Variants in IL12RB2 observed in about 807,000 individuals in gnomAD.
The protein encoded by IL12RB2 is interleukin-12 receptor subunit beta-2.
A neutral mutation model predicts 89.4 loss-of-function variants in IL12RB2; 82 were observed. The ratio of observed to expected loss-of-function variants is 0.92; its 90% CI spans 0.77 to 1.10. The LOEUF (loss-of-function observed/expected upper bound fraction) is 1.10. IL12RB2 is among the 50% of genes least tolerant of loss of function. The pLI is 0.00. For missense variants in IL12RB2, 963 were observed against 1,031.9 expected (o/e 0.93, Z 0.92); for synonymous variants, 368 against 370.1 (o/e 0.99, Z 0.07).
chr1:67,350,910 A>C lies in IL12RB2; in HGVS notation c.1079A>C (p.Tyr360Ser). The C allele has an allele frequency of 1.2e-6, 2 of 1,614,118 alleles. No homozygotes were observed. The highest frequency in any genetic ancestry group is 1.7e-6 in the Non-Finnish European group (2 of 1,179,998). ...GAGGCAAGAGGAAAAATTCTCCACT[A>C]TCAGGTGACCTTGCAGGAGCTGACA... The part of the protein sequence containing the change: ...VSEARGKILH[Y>S]QVTLQELTGG... The change falls in exon 10 of 17, where the codon TAT (tyrosine) becomes TCT (serine). Residue 360 changes from tyrosine to serine, a missense_variant. Physicochemically the swap from Tyr to Ser is moderately radical, Grantham distance 144. Coordinates refer to ENST00000674203, the MANE Select transcript of IL12RB2 (RefSeq NM_001374259.2).
chr1:67,321,405 A>T (rs1371790244), intron 3 of IL12RB2, among the ~76,000 whole-genome samples, 197 bp from the exon 4 acceptor site: 1 of 152,162 alleles, frequency 6.6e-6, no homozygotes, highest in Non-Finnish European at 1.5e-5. Context: ...ATTTTCATTC[A>T]AATACAGTTA....
Position 67,362,587 on chromosome 1 carries a change from A to G in IL12RB2, c.1259-5238A>G, listed in dbSNP as rs540494272. Among the ~76,000 whole-genome samples, 880 of 149,050 alleles carry G rather than the reference A, an allele frequency of 5.9e-3. 4 individuals are homozygous for G. Among genetic ancestry groups the G allele is most frequent in the Middle Eastern group, 0.01 (3 of 290 alleles). On this transcript the variant is annotated intron_variant, in intron 10 of 16. Transcript: ENST00000674203. ...GACTCCGTCTCAAAAAAAAAAAAAA[A>G]AAAAAGAAAAAGAAAAAAAAAGAAA...
intron 13 of IL12RB2, among the ~76,000 whole-genome samples, 198 bp downstream of exon 13, chr1:67,372,981 AAT>A (rs1663538703): frequency 6.6e-6 from 1 of 152,234 alleles, no homozygotes; most frequent in Admixed American, 6.5e-5. Context: ...AAGGTTATTG[AAT>A]ATGTGTTATG....
At position 67,320,356 on chromosome 1, in the gene IL12RB2, G is replaced by C. The variant is rs751869251; in HGVS notation, c.-13G>C. ...AGGAAGAATACGGAGTTCTATACCA[G>C]AGTTGATTGTTGATGGCACATACTT... On this transcript the variant is annotated 5_prime_UTR_variant, in exon 3 of 17. Transcript: ENST00000674203. 16 of 1,613,900 alleles carry C rather than the reference G, an allele frequency of 9.9e-6. No homozygotes were observed. Among genetic ancestry groups the C allele is most frequent in the Non-Finnish European group, 1.3e-5 (15 of 1,179,918 alleles).
Position 67,338,715 on chromosome 1 carries a change from G to A in IL12RB2, c.1038+12G>A. The A allele has an allele frequency of 2.2e-6, 3 of 1,339,694 alleles. No homozygotes were observed. The highest frequency in any genetic ancestry group is 3.2e-6 in the Non-Finnish European group (3 of 929,346). 83.0% of individuals were successfully genotyped at this position (1,339,694 alleles called of 1,614,324 possible). On this transcript the variant is annotated intron_variant, in intron 9 of 16. Transcript: ENST00000674203. ...CTCTTTTCTGGAAGGTGAGTTTTAAGCGTCAACTTAAAACTCAAGGGAATA... is the reference window on the plus strand; with the variant it reads ...CTCTTTTCTGGAAGGTGAGTTTTAAACGTCAACTTAAAACTCAAGGGAATA...
chr1:67,317,971 A>G (rs190705931), intron 2 of IL12RB2, among the ~76,000 whole-genome samples: 30 of 152,330 alleles, frequency 2.0e-4, no homozygotes, highest in African/African-American at 7.2e-4. Flanking sequence ...CAACTGGGGA[A>G]GACCACATTG....
chr1:67,379,070 A>T (rs898819801), intron 13 of IL12RB2, among the ~76,000 whole-genome samples: 1 of 146,842 alleles, frequency 6.8e-6, no homozygotes, highest in African/African-American at 2.5e-5. Context: ...GGTGGCACAC[A>T]CCTGTAGTCC....
At chr1:67,342,909 A>G (rs374624961) in intron 9 of IL12RB2, among the ~76,000 whole-genome samples, 1 of 39,280 alleles carries the variant, frequency 2.5e-5, no homozygotes. Flanking sequence ...ACAGGCATCC[A>G]TCACCACGCC....
At chr1:67,381,204 T>C (rs1411579409) in intron 14 of IL12RB2, among the ~76,000 whole-genome samples, 3 of 152,188 alleles carry the variant, frequency 2.0e-5, no homozygotes, top group African/African-American at 7.2e-5. Flanking sequence ...GAACTACAAA[T>C]CAAACTCAGA....
chr1:67,344,456 C>T (rs1659995694), intron 9 of IL12RB2, among the ~76,000 whole-genome samples: 1 of 152,004 alleles, frequency 6.6e-6, no homozygotes, highest in Admixed American at 6.6e-5. Flanking sequence ...CCATGCCTGG[C>T]TAATTTTTGT....
intron 16 of IL12RB2, among the ~76,000 whole-genome samples, chr1:67,392,913 C>T (rs920962658): frequency 6.6e-6 from 1 of 152,124 alleles, no homozygotes; most frequent in African/African-American, 2.4e-5. Flanking sequence ...CATGAGCCAC[C>T]ACACCTGGCC....
intron 2 of IL12RB2, among the ~76,000 whole-genome samples, chr1:67,319,035 G>A (rs565387887): frequency 3.9e-5 from 6 of 152,190 alleles, no homozygotes; most frequent in Middle Eastern, 3.2e-3. Flanking sequence ...GAAACAAAGG[G>A]CGCTTTCCTA....
At chr1:67,344,203 A>C (rs1324195699) in intron 9 of IL12RB2, among the ~76,000 whole-genome samples, 1 of 152,270 alleles carries the variant, frequency 6.6e-6, no homozygotes, top group Non-Finnish European at 1.5e-5. Context: ...AAATATAAGC[A>C]AGCCACAAAT....
At chr1:67,332,218 ATTT>A (rs34139483) in intron 8 of IL12RB2, among the ~76,000 whole-genome samples, 267 of 135,544 alleles carry the variant, frequency 2.0e-3, no homozygotes, top group South Asian at 2.1e-3. Flanking sequence ...TATTAATTGC[ATTT>A]TTTTTTTTTT....
At chr1:67,336,865 A>C (rs930752127) in intron 8 of IL12RB2, among the ~76,000 whole-genome samples, 1 of 152,178 alleles carries the variant, frequency 6.6e-6, no homozygotes, top group Non-Finnish European at 1.5e-5. Flanking sequence ...TCAGCACTTC[A>C]GTTTTCAAAT....
intron 6 of IL12RB2, 36 bp downstream of exon 6, chr1:67,328,420 A>G: frequency 6.2e-7 from 1 of 1,611,250 alleles, no homozygotes; most frequent in Non-Finnish European, 8.5e-7. Context: ...GGTACTTTAT[A>G]ATTATTTTTA....
chr1:67,376,086 TCTGC>T (rs1663955449), intron 13 of IL12RB2, among the ~76,000 whole-genome samples: 1 of 152,094 alleles, frequency 6.6e-6, no homozygotes, highest in Non-Finnish European at 1.5e-5. Flanking sequence ...GACCTCGTGA[TCTGC>T]CCATCTCGGC....
chr1:67,374,777 CTTTTTTTTTTT>C (rs35122967), intron 13 of IL12RB2, among the ~76,000 whole-genome samples: 3 of 53,866 alleles, frequency 5.6e-5, no homozygotes, highest in Middle Eastern at 0.019. Flanking sequence ...AGCCCAGCCT[CTTTTTTTTTTT>C]TTTTTTTTTT....
In IL12RB2 at chr1:67,350,878, T is replaced by C; in HGVS notation, c.1047T>C (p.Ser349=). 1 of 1,613,938 alleles carries C rather than the reference T, an allele frequency of 6.2e-7. No individual in the cohort carries two copies. Among genetic ancestry groups the C allele is most frequent in the East Asian group, 2.2e-5 (1 of 44,878 alleles). ...QQISLFWKNL[S]VSEARGKILH... is the part of the protein sequence containing the mutation. ...AATGTGTCTTGTTGCAGAATCTGAG[T>C]GTCTCAGAGGCAAGAGGAAAAATTC... The change falls in exon 10 of 17, where the codon AGT becomes AGC. Residue 349 remains serine (S), a synonymous_variant. Transcript: ENST00000674203.
Sources: gnomAD v4.1 joint callset for allele counts (sites outside exome capture counted in the v4.1 genomes callset) on GRCh38, gnomAD v4.1.1 for gene constraint, MANE v1.5 for transcripts, NCBI Gene and HGNC (gene_info 2026-07-23, HGNC 2026-07-21) for gene names.